Variants in FAM110B observed in about 807,000 individuals in gnomAD.
FAM110B encodes family with sequence similarity 110 member B, also known as protein FAM110B.
A neutral mutation model predicts 20.4 loss-of-function variants in FAM110B; 6 were observed. The observed-to-expected ratio is 0.29, with a 90% CI of 0.16 to 0.58. The LOEUF is 0.58. FAM110B is among the 20% of genes least tolerant of loss of function. The probability of loss-of-function intolerance (pLI) is 0.90; values close to 1 mark genes in which losing one functional copy is unlikely to be tolerated. For synonymous variants in FAM110B, 226 were observed against 214.1 expected, an observed-to-expected ratio of 1.06 and a Z score of -0.49; for missense variants, 434 against 498.2, an observed-to-expected ratio of 0.87 and a Z score of 1.23.
Position 58,088,671 on chromosome 8 carries a change from A to G in FAM110B, c.-325+13048A>G, listed in dbSNP as rs77703792. Reference sequence around the variant, plus strand: ...ACAAGGAAATGGAGCCGCACTTGAGAGTTGCACCTTCATCTTGGGTTCAGC... The same window carrying G: ...ACAAGGAAATGGAGCCGCACTTGAGGGTTGCACCTTCATCTTGGGTTCAGC... On this transcript the variant is annotated intron_variant, in intron 3 of 3. Transcript: ENST00000519262. Among the ~76,000 whole-genome samples, 27 of 152,342 alleles carry G rather than the reference A, an allele frequency of 1.8e-4. No individual in the cohort carries two copies. In the East Asian group the frequency reaches 2.7e-3, roughly 15 times the overall value.
intron 2 of FAM110B, chr8:58,032,328 G>A (rs1001058256): frequency 6.6e-6 from 1 of 152,172 alleles, no homozygotes; most frequent in Non-Finnish European, 1.5e-5. Flanking sequence ...CACTGGACAT[G>A]GGACCTAGTA....
In FAM110B at chr8:58,145,907, C is replaced by T. The variant is rs1803852279; in HGVS notation, c.-324C>T. The T allele has an allele frequency of 4.2e-6, 1 of 235,380 alleles. No individual in the cohort carries two copies. The highest frequency in any genetic ancestry group is 8.2e-6 in the Non-Finnish European group (1 of 121,502). The allele number at this position is 235,380 out of a possible 1,614,324, so 14.6% of individuals were successfully genotyped here. A position where few individuals can be genotyped will look rare whatever the true frequency, so the allele number is the denominator to read the frequency against. On this transcript the variant is annotated splice_region_variant and 5_prime_UTR_variant, in exon 4 of 4. Coordinates refer to ENST00000519262, the MANE Select transcript of FAM110B (RefSeq NM_001377989.1). ...CGCGGTTGGTTGTTTTGTGTTTCAG[C>T]TCTGCCTGCAGTTGAACACAAAGAC...
chr8:58,070,860 G>A (rs1805881776), intron 2 of FAM110B, among the ~76,000 whole-genome samples: 1 of 152,216 alleles, frequency 6.6e-6, no homozygotes, highest in African/African-American at 2.4e-5. Context: ...CTTTAAAGAT[G>A]TGTGCAGCCT....
intron 1 of FAM110B, among the ~76,000 whole-genome samples, chr8:57,999,416 A>AT (rs1011291426): frequency 2.0e-5 from 3 of 151,928 alleles, no homozygotes; most frequent in South Asian, 2.1e-4. Flanking sequence ...AATGCAAAAC[A>AT]TTTTTTTCCT....
intron 3 of FAM110B, among the ~76,000 whole-genome samples, chr8:58,134,943 A>G (rs1441419698): frequency 2.0e-5 from 3 of 152,206 alleles, no homozygotes; most frequent in African/African-American, 7.2e-5. Flanking sequence ...TAAACAGTGA[A>G]TGGTCAAAAG....
chr8:58,077,673 T>A (rs1024090534), intron 3 of FAM110B, among the ~76,000 whole-genome samples: 7 of 152,266 alleles, frequency 4.6e-5, no homozygotes, highest in South Asian at 2.1e-4. Context: ...ATACCTGATA[T>A]AGCCTAGGTA....
At chr8:58,083,645 C>T (rs1806258174) in intron 3 of FAM110B, among the ~76,000 whole-genome samples, 1 of 152,122 alleles carries the variant, frequency 6.6e-6, no homozygotes, top group Non-Finnish European at 1.5e-5. Flanking sequence ...ACTCCAGGGC[C>T]AATGAAGAAT....
intron 2 of FAM110B, among the ~76,000 whole-genome samples, chr8:58,039,546 C>A (rs1015542247): frequency 6.6e-6 from 1 of 152,172 alleles, no homozygotes; most frequent in Non-Finnish European, 1.5e-5. Context: ...GTACTCTTCT[C>A]ACAATTTTAA....
chr8:58,120,490 A>G (rs2150626580), intron 3 of FAM110B, among the ~76,000 whole-genome samples: 1 of 152,342 alleles, frequency 6.6e-6, no homozygotes, highest in African/African-American at 2.4e-5. Context: ...GCCATTATCT[A>G]CCTGGAGAAA....
chr8:57,996,381 G>A (rs992848037), intron 1 of FAM110B, among the ~76,000 whole-genome samples: 1 of 152,048 alleles, frequency 6.6e-6, no homozygotes, highest in Non-Finnish European at 1.5e-5. Context: ...GAAAATGGTC[G>A]TTTTGATTTT....
intron 1 of FAM110B, among the ~76,000 whole-genome samples, chr8:58,021,542 A>G (rs1009803214): frequency 2.6e-5 from 4 of 152,138 alleles, no homozygotes; most frequent in African/African-American, 4.8e-5. Flanking sequence ...TGTTTCATGT[A>G]CTGTATCAAT....
At chr8:58,044,231 G>A (rs2150577882) in intron 2 of FAM110B, among the ~76,000 whole-genome samples, 1 of 152,230 alleles carries the variant, frequency 6.6e-6, no homozygotes, top group Middle Eastern at 3.4e-3. Context: ...CAATCCTAGG[G>A]GTGCCACTTA....
intron 3 of FAM110B, among the ~76,000 whole-genome samples, chr8:58,096,551 A>G (rs908216017): frequency 1.3e-5 from 2 of 152,132 alleles, no homozygotes; most frequent in Non-Finnish European, 2.9e-5. Flanking sequence ...ATTTAAGGTT[A>G]ATATTGTTAT....
At chr8:58,062,906 G>A (rs1805687265) in intron 2 of FAM110B, among the ~76,000 whole-genome samples, 1 of 152,148 alleles carries the variant, frequency 6.6e-6, no homozygotes, top group Non-Finnish European at 1.5e-5. Context: ...AAATATCTGG[G>A]CCTTCCTTAG....
At chr8:58,050,077 C>G (rs1805408737) in intron 2 of FAM110B, among the ~76,000 whole-genome samples, 1 of 152,160 alleles carries the variant, frequency 6.6e-6, no homozygotes, top group Non-Finnish European at 1.5e-5. Context: ...TTTACCATTG[C>G]TGAGAAAAAT....
intron 3 of FAM110B, among the ~76,000 whole-genome samples, chr8:58,136,929 T>C (rs1258207766): frequency 6.6e-6 from 1 of 152,208 alleles, no homozygotes; most frequent in African/African-American, 2.4e-5. Flanking sequence ...CCATCGTGGA[T>C]TGAGATTTGA....
chr8:58,097,302 T>G (rs2150607900), intron 3 of FAM110B, among the ~76,000 whole-genome samples: 2 of 152,344 alleles, frequency 1.3e-5, no homozygotes, highest in Middle Eastern at 6.8e-3. Flanking sequence ...TAAACATCAG[T>G]CTCTGATATC....
chr8:58,052,942 C>T (rs1805479497), intron 2 of FAM110B, among the ~76,000 whole-genome samples: 1 of 148,452 alleles, frequency 6.7e-6, no homozygotes, highest in Admixed American at 6.7e-5. Context: ...CCCGCTACCA[C>T]GCCCGGCTAA....
chr8:58,067,157 A>T (rs906333327), intron 2 of FAM110B, among the ~76,000 whole-genome samples: 1 of 152,210 alleles, frequency 6.6e-6, no homozygotes. Context: ...TAACAATTCT[A>T]TGTGAAAATT....
Sources: allele counts gnomAD v4.1 joint callset (sites outside exome capture counted in the v4.1 genomes callset), GRCh38; gene constraint gnomAD v4.1.1; transcripts MANE v1.5; gene names NCBI Gene and HGNC (gene_info 2026-07-23, HGNC 2026-07-21).